EDIL3: variants seen among roughly 807,000 people sequenced by gnomAD.
EDIL3 encodes EGF-like repeat and discoidin I-like domain-containing protein 3.
EDIL3 carries 37 observed loss-of-function variants against 67.4 expected under a neutral mutation model. The observed-to-expected ratio is 0.55, with a 90% CI of 0.42 to 0.72. The LOEUF is 0.72. Among genes scored for constraint, EDIL3 ranks in the 30% least tolerant of loss-of-function variants. The pLI is 0.00. For missense variants in EDIL3, 527 were observed against 586.3 expected, an observed-to-expected ratio of 0.90 and a Z score of 1.04; for synonymous variants, 195 against 196.3, an observed-to-expected ratio of 0.99 and a Z score of 0.05.
chr5:84,263,509 C>G (rs957411479), intron 1 of EDIL3, among the ~76,000 whole-genome samples: 1 of 152,116 alleles, frequency 6.6e-6, no homozygotes, highest in Non-Finnish European at 1.5e-5. Flanking sequence ...GGATATACCA[C>G]CGTGATTTAA....
intron 3 of EDIL3, among the ~76,000 whole-genome samples, chr5:84,214,667 A>G (rs566595312): frequency 2.0e-5 from 3 of 151,730 alleles, no homozygotes; most frequent in Admixed American, 6.6e-5. Flanking sequence ...TTGGAAATAC[A>G]TCTATCATCA....
chr5:84,207,782 A>C (rs1744016720), intron 3 of EDIL3, among the ~76,000 whole-genome samples: 3 of 152,076 alleles, frequency 2.0e-5, no homozygotes, highest in Admixed American at 6.5e-5. Flanking sequence ...ACCTGAAAAA[A>C]ACAAGCAATG....
At chr5:84,241,142 A>T (rs1744785654) in intron 2 of EDIL3, among the ~76,000 whole-genome samples, 1 of 152,162 alleles carries the variant, frequency 6.6e-6, no homozygotes, top group Admixed American at 6.5e-5. Context: ...TTGTATAATG[A>T]TTACTGATAT....
intron 1 of EDIL3, among the ~76,000 whole-genome samples, chr5:84,384,058 C>G (rs1748161232): frequency 6.6e-6 from 1 of 152,152 alleles, no homozygotes; most frequent in Admixed American, 6.5e-5. Flanking sequence ...CTACCGCTCC[C>G]CACCGTCCTC....
chr5:84,216,416 C>T (rs866120663), intron 3 of EDIL3, among the ~76,000 whole-genome samples: 12 of 152,054 alleles, frequency 7.9e-5, no homozygotes, highest in Admixed American at 3.3e-4. Context: ...AGTTGAATAA[C>T]TCTATATGAC....
At chr5:84,235,188 T>C (rs1744656331) in intron 2 of EDIL3, among the ~76,000 whole-genome samples, 1 of 152,174 alleles carries the variant, frequency 6.6e-6, no homozygotes, top group Admixed American at 6.6e-5. Context: ...GATATGACTT[T>C]GTACTTAAAG....
At chr5:84,052,356 T>C (rs1746356484) in intron 9 of EDIL3, among the ~76,000 whole-genome samples, 1 of 152,118 alleles carries the variant, frequency 6.6e-6, no homozygotes, top group Admixed American at 6.5e-5. Flanking sequence ...TGCAAAAACA[T>C]GCCAAATTGT....
chr5:84,376,398 A>C (rs890133165), intron 1 of EDIL3, among the ~76,000 whole-genome samples: 1 of 152,234 alleles, frequency 6.6e-6, no homozygotes, highest in African/African-American at 2.4e-5. Flanking sequence ...CCAAAATCAA[A>C]TTTAGTCAGA....
intron 2 of EDIL3, among the ~76,000 whole-genome samples, chr5:84,248,204 C>G (rs1006965796): frequency 1.3e-5 from 2 of 152,100 alleles, no homozygotes; most frequent in African/African-American, 4.8e-5. Flanking sequence ...CTCCACAACG[C>G]CAGCAAAACT....
At chr5:84,151,713 C>A (rs905819686) in intron 4 of EDIL3, among the ~76,000 whole-genome samples, 4 of 152,208 alleles carry the variant, frequency 2.6e-5, no homozygotes, top group Admixed American at 2.6e-4. Flanking sequence ...TATCAGAAAT[C>A]TGAAGCATAT....
chr5:84,187,203 T>G lies in EDIL3; in HGVS notation c.227-6682A>C, dbSNP rs16900957. On this transcript the variant is annotated intron_variant, in intron 3 of 10. Transcript: ENST00000296591. ...TTCAACAGCATGCTTTCCAGGCATT[T>G]TTTATGCAAGCTCATATAAGTATGT... 9.4e-3 allele frequency among the ~76,000 whole-genome samples: 1,428 copies of G among 152,180 alleles called. 18 individuals carry two copies. Among genetic ancestry groups the G allele is most frequent in the African/African-American group, 0.029 (1,203 of 41,550 alleles).
intron 2 of EDIL3, among the ~76,000 whole-genome samples, chr5:84,234,613 C>A (rs953269567): frequency 6.6e-6 from 1 of 152,022 alleles, no homozygotes; most frequent in Non-Finnish European, 1.5e-5. Flanking sequence ...GGAAATTATA[C>A]CCATTAAAAA....
At chr5:84,173,870 A>C (rs75347604) in intron 4 of EDIL3, among the ~76,000 whole-genome samples, 5,033 of 152,246 alleles carry the variant, frequency 0.033, 129 homozygotes, top group Admixed American at 0.061. Context: ...GGAGTGAAGC[A>C]TGCTATCTAT....
chr5:84,061,280 G>T (rs16900866), intron 8 of EDIL3, among the ~76,000 whole-genome samples: 3,679 of 151,918 alleles, frequency 0.024, 140 homozygotes, highest in African/African-American at 0.083. Context: ...AGTTTAATAC[G>T]GTAAAAATTT....
chr5:83,963,296 T>A lies in EDIL3; in HGVS notation c.1202A>T (p.His401Leu). The A allele has an allele frequency of 6.2e-7, 1 of 1,610,626 alleles. No homozygotes were observed. Among genetic ancestry groups the A allele is most frequent in the Non-Finnish European group, 8.5e-7 (1 of 1,177,864 alleles). Residue 401 changes from histidine to leucine, a missense_variant, in exon 10 of 11, where the codon CAT becomes CTT. Coordinates refer to ENST00000296591, the MANE Select transcript of EDIL3 (RefSeq NM_005711.5). ...TTTGTAGGAGCCAACAAACTGTACA[T>A]GACCAAAATCTTTAGCTCCTTGTGT... ...IITQGAKDFGHVQFVGSYKLA... is the reference protein window; with the variant it reads ...IITQGAKDFGLVQFVGSYKLA...
chr5:83,950,677 G>T (rs1330618420), intron 10 of EDIL3, among the ~76,000 whole-genome samples: 2 of 151,716 alleles, frequency 1.3e-5, no homozygotes, highest in South Asian at 2.1e-4. Flanking sequence ...ATTTCTGGAT[G>T]ATATTTATTC....
chr5:83,988,366 T>A (rs1745092195), intron 9 of EDIL3, among the ~76,000 whole-genome samples: 3 of 152,202 alleles, frequency 2.0e-5, no homozygotes. Flanking sequence ...TAAATGTAAA[T>A]ACATTTTCAT....
At chr5:84,324,368 T>G (rs1005628036) in intron 1 of EDIL3, among the ~76,000 whole-genome samples, 4 of 151,830 alleles carry the variant, frequency 2.6e-5, no homozygotes, top group African/African-American at 9.7e-5. Context: ...TACTTAGATA[T>G]GAATAAAAAC....
chr5:84,312,631 G>A (rs1387572643), intron 1 of EDIL3, among the ~76,000 whole-genome samples: 4 of 149,318 alleles, frequency 2.7e-5, no homozygotes, highest in Non-Finnish European at 6.0e-5. Context: ...CCTCCTTCCC[G>A]GACGGGGCGG....
Sources: allele counts gnomAD v4.1 joint callset (sites outside exome capture counted in the v4.1 genomes callset), GRCh38; gene constraint gnomAD v4.1.1; transcripts MANE v1.5; gene names NCBI Gene and HGNC (gene_info 2026-07-23, HGNC 2026-07-21).